MTUS2: variants seen among roughly 807,000 people sequenced by gnomAD.
MTUS2 encodes the protein microtubule-associated tumor suppressor candidate 2.
A neutral mutation model predicts 114.1 loss-of-function variants in MTUS2; 40 were observed. The observed-to-expected ratio is 0.35, with a 90% CI of 0.27 to 0.46. The LOEUF (loss-of-function observed/expected upper bound fraction) is 0.46. Ranked by LOEUF, MTUS2 falls within the 20% of genes least tolerant of loss-of-function variation. The pLI is 1.00. For synonymous variants in MTUS2, 688 were observed against 672.0 expected, an observed-to-expected ratio of 1.02 and a Z score of -0.37; for missense variants, 1,679 against 1,705.4, an observed-to-expected ratio of 0.98 and a Z score of 0.27.
intron 7 of MTUS2, among the ~76,000 whole-genome samples, chr13:29,358,556 G>T (rs113705402): frequency 0.037 from 5,644 of 152,280 alleles, 369 homozygotes; most frequent in African/African-American, 0.13. Flanking sequence ...CGTGCCTCAC[G>T]TGTGCAAAGG....
At chr13:29,433,790 A>G (rs1877193410) in intron 8 of MTUS2, among the ~76,000 whole-genome samples, 2 of 152,240 alleles carry the variant, frequency 1.3e-5, no homozygotes, top group Non-Finnish European at 2.9e-5. Flanking sequence ...AAACTCATAG[A>G]GCCCTACGTA....
At chr13:29,046,759 TG>T (rs2138582493) in intron 4 of MTUS2, among the ~76,000 whole-genome samples, 1 of 152,280 alleles carries the variant, frequency 6.6e-6, no homozygotes, top group African/African-American at 2.4e-5. Flanking sequence ...TTTTTGCCTT[TG>T]TTAGATGCCT....
At chr13:28,842,061 C>T (rs762943596) in intron 2 of MTUS2, among the ~76,000 whole-genome samples, 4 of 152,154 alleles carry the variant, frequency 2.6e-5, no homozygotes, top group Non-Finnish European at 5.9e-5. Context: ...GGATTTGATA[C>T]TCTGAATACA....
chr13:29,081,891 A>G (rs775855891), intron 4 of MTUS2, among the ~76,000 whole-genome samples: 10 of 152,172 alleles, frequency 6.6e-5, no homozygotes, highest in African/African-American at 1.2e-4. Context: ...TGACCCAAGA[A>G]TATAAAAATA....
intron 8 of MTUS2, among the ~76,000 whole-genome samples, chr13:29,383,333 G>A (rs2138376483): frequency 6.6e-6 from 1 of 151,334 alleles, no homozygotes; most frequent in African/African-American, 2.4e-5. Context: ...TAAAATAGAT[G>A]TGAATACTAA....
chr13:29,233,675 A>G (rs920533934), intron 5 of MTUS2, among the ~76,000 whole-genome samples: 1 of 152,170 alleles, frequency 6.6e-6, no homozygotes. Flanking sequence ...CAGCTTTTTA[A>G]TTCTGTCTAA....
chr13:29,488,863 C>T (rs908006352), intron 11 of MTUS2, among the ~76,000 whole-genome samples: 1 of 152,188 alleles, frequency 6.6e-6, no homozygotes, highest in Non-Finnish European at 1.5e-5. Context: ...TTACTAAGTT[C>T]CAGTGAGATT....
intron 2 of MTUS2, among the ~76,000 whole-genome samples, chr13:28,878,109 A>G (rs1423474197): frequency 2.0e-5 from 3 of 152,046 alleles, no homozygotes; most frequent in Non-Finnish European, 4.4e-5. Flanking sequence ...GATGTGTATG[A>G]AGATCAAACT....
At position 29,498,406 on chromosome 13, in the gene MTUS2, C is replaced by T. The variant is rs758765717; in HGVS notation, c.3679-12C>T. 3.6e-5 allele frequency: 58 copies of T among 1,613,582 alleles called. No individual in the cohort carries two copies. Among genetic ancestry groups the T allele is most frequent in the Non-Finnish European group, 4.7e-5 (56 of 1,179,620 alleles). ...ATCCTGGTCAACAGCTCATGGCTCT[C>T]TGCCTCTGTAGATTGCATTGGCTCC... On this transcript the variant is annotated splice_polypyrimidine_tract_variant and intron_variant, in intron 13 of 15. Transcript: ENST00000612955.
chr13:29,494,676 C>T (rs1470817594), intron 12 of MTUS2, among the ~76,000 whole-genome samples: 4 of 152,014 alleles, frequency 2.6e-5, no homozygotes, highest in South Asian at 2.1e-4. Context: ...CCCCCACCTG[C>T]GGCGTACTGC....
intron 5 of MTUS2, among the ~76,000 whole-genome samples, chr13:29,129,571 T>A (rs966774785): frequency 5.5e-5 from 3 of 54,596 alleles, no homozygotes; most frequent in South Asian, 4.6e-4. Context: ...TAGTTTTTTT[T>A]ATTGATATAT....
At chr13:29,000,950 T>G (rs1018729420) in intron 2 of MTUS2, among the ~76,000 whole-genome samples, 1 of 152,186 alleles carries the variant, frequency 6.6e-6, no homozygotes, top group African/African-American at 2.4e-5. Context: ...CAGAGATGGT[T>G]GTTCCCCAGT....
At chr13:29,459,648 G>A (rs1879349318) in intron 9 of MTUS2, among the ~76,000 whole-genome samples, 1 of 152,032 alleles carries the variant, frequency 6.6e-6, no homozygotes, top group South Asian at 2.1e-4. Flanking sequence ...GGAGTGAGAG[G>A]GAAATTTACT....
intron 4 of MTUS2, among the ~76,000 whole-genome samples, chr13:29,069,283 C>T (rs1436235237): frequency 3.3e-5 from 5 of 152,098 alleles, no homozygotes; most frequent in Non-Finnish European, 7.4e-5. Context: ...GACCTGGGAG[C>T]CTGAGAGCCA....
At chr13:29,280,745 T>C (rs1451719414) in intron 5 of MTUS2, among the ~76,000 whole-genome samples, 2 of 152,222 alleles carry the variant, frequency 1.3e-5, no homozygotes, top group African/African-American at 4.8e-5. Context: ...AAACAAGTGG[T>C]AATCTCCGTG....
chr13:28,914,607 T>C (rs955521484), intron 2 of MTUS2, among the ~76,000 whole-genome samples: 1 of 152,154 alleles, frequency 6.6e-6, no homozygotes, highest in Non-Finnish European at 1.5e-5. Flanking sequence ...CAGGTCCACT[T>C]GATCTAGAGT....
rs1900430627 is a variant in MTUS2, at chr13:29,325,209, A to G, written c.2905+498A>G. ...GGTGGCTCACGCCTGTAATCCCAGC[A>G]CTTTGGGAGGCCAAGGCAGGTGGAT... On this transcript the variant is annotated intron_variant, in intron 7 of 15. Transcript: ENST00000612955. Among the ~76,000 whole-genome samples the G allele has an allele frequency of 2.6e-5, 4 of 152,164 alleles. 1 individual carries two copies. Among genetic ancestry groups the G allele is most frequent in the African/African-American group, 4.8e-5 (2 of 41,446 alleles).
chr13:29,090,213 T>G (rs1248379787), intron 4 of MTUS2, among the ~76,000 whole-genome samples: 2 of 152,250 alleles, frequency 1.3e-5, no homozygotes, highest in Non-Finnish European at 2.9e-5. Context: ...CAGTCAGTAC[T>G]CCTGGGCTGC....
At chr13:29,050,456 TC>T (rs1170823399) in intron 4 of MTUS2, among the ~76,000 whole-genome samples, 2 of 152,124 alleles carry the variant, frequency 1.3e-5, no homozygotes, top group Non-Finnish European at 1.5e-5. Context: ...ACTCTCACTT[TC>T]CTTTTGTCTC....
Sources: gnomAD v4.1 joint callset for allele counts (sites outside exome capture counted in the v4.1 genomes callset) on GRCh38, gnomAD v4.1.1 for gene constraint, MANE v1.5 for transcripts, NCBI Gene and HGNC (gene_info 2026-07-23, HGNC 2026-07-21) for gene names.